ANXA9: variants seen among roughly 807,000 people sequenced by gnomAD.
The protein encoded by ANXA9 is annexin 31.
A neutral mutation model predicts 51.8 loss-of-function variants in ANXA9; 47 were observed. The observed-to-expected ratio is 0.91, with a 90% confidence interval of 0.72 to 1.16. The LOEUF is 1.16. ANXA9 is among the 50% of genes most tolerant of loss of function. ANXA9 has a pLI of 0.00. For synonymous variants in ANXA9, 154 were observed against 168.7 expected (o/e 0.91, Z 0.68); for missense variants, 361 against 424.7 (o/e 0.85, Z 1.32).
chr1:150,988,117 G>A lies in ANXA9; in HGVS notation c.724G>A (p.Gly242Arg), dbSNP rs149528939. ...GTTTGATCAGTACCAGCGGAGCACT[G>A]GGCAAGAGCTGGAGGAGGCTGTCCA... ...RVFDQYQRST[G>R]QELEEAVQNR... The change falls in exon 11 of 14, where the codon GGG (glycine) becomes AGG (arginine). Residue 242 changes from glycine (G) to arginine (R), a missense_variant. Gly to Arg is a moderately radical substitution (Grantham distance 125). Coordinates refer to ENST00000368947, the MANE Select transcript of ANXA9 (RefSeq NM_003568.3). The A allele has an allele frequency of 6.8e-3, 10,971 of 1,614,170 alleles. 60 individuals carry two copies. The highest frequency in any genetic ancestry group is 0.016 in the Middle Eastern group (95 of 6,062).
chr1:150,981,533 G>GT (rs1671416166), upstream of ANXA9, among the ~76,000 whole-genome samples: 1 of 152,336 alleles, frequency 6.6e-6, no homozygotes, highest in Admixed American at 6.5e-5. Flanking sequence ...AGCTGCTGGG[G>GT]TTGCATCACC....
chr1:150,983,484 T>C (rs1239111832), intron 4 of ANXA9, 50 bp downstream of exon 4: 1 of 1,518,146 alleles, frequency 6.6e-7, no homozygotes. Flanking sequence ...AGCCAATCTG[T>C]AGACCAAGGA....
Position 150,995,434 on chromosome 1 carries a change from C to A in ANXA9, c.*112C>A. 1 of 890,950 alleles carries A rather than the reference C, an allele frequency of 1.1e-6. No homozygotes were observed. The highest frequency in any genetic ancestry group is 1.7e-6 in the Non-Finnish European group (1 of 593,066). The allele number at this position is 890,950 out of a possible 1,614,324, so 55.2% of individuals were successfully genotyped here. On this transcript the variant is annotated 3_prime_UTR_variant, in exon 14 of 14. Transcript: ENST00000368947. Reference sequence around the variant, plus strand: ...TAGGATAACCCCTCACTGAGCACCACATTCTCTAGCTTCTTGTTGAGGCTG... The same window carrying A: ...TAGGATAACCCCTCACTGAGCACCAAATTCTCTAGCTTCTTGTTGAGGCTG...
intron 9 of ANXA9, among the ~76,000 whole-genome samples, chr1:150,987,475 C>A (rs1170288811): frequency 6.6e-6 from 1 of 151,968 alleles, no homozygotes; most frequent in Non-Finnish European, 1.5e-5. Flanking sequence ...CACCTATAAT[C>A]CCAACAATTT....
upstream of ANXA9, among the ~76,000 whole-genome samples, chr1:150,977,515 ACT>A (rs1351153345): frequency 3.9e-5 from 6 of 152,256 alleles, no homozygotes; most frequent in East Asian, 9.7e-4. Context: ...CCTTGCAGTG[ACT>A]CACTTCCTCT....
Position 150,983,193 on chromosome 1 carries a change from G to T in ANXA9, c.75+13G>T. ...CCTGGCCAGCAAGGTAGGGGCTGTT[G>T]GGATTTTAGAGATCACTTTTAGTAT... is the stretch of plus-strand genomic sequence containing the variant. On this transcript the variant is annotated intron_variant, in intron 3 of 13. Coordinates refer to ENST00000368947, the MANE Select transcript of ANXA9 (RefSeq NM_003568.3). The T allele has an allele frequency of 6.2e-7, 1 of 1,613,272 alleles. No homozygotes were observed. Among genetic ancestry groups the T allele is most frequent in the South Asian group, 1.1e-5 (1 of 90,994 alleles).
At chr1:150,982,785 C>G (rs1175597636) in intron 2 of ANXA9, among the ~76,000 whole-genome samples, 1 of 152,186 alleles carries the variant, frequency 6.6e-6, no homozygotes, top group African/African-American at 2.4e-5. Context: ...TACCGCGGAC[C>G]AAGGCCTGAG....
chr1:150,989,859 TATA>T (rs1185185905), intron 12 of ANXA9, among the ~76,000 whole-genome samples: 5 of 152,226 alleles, frequency 3.3e-5, no homozygotes, highest in African/African-American at 9.6e-5. Flanking sequence ...CCTGTATGAT[TATA>T]ATGAGTCAAC....
intron 12 of ANXA9, among the ~76,000 whole-genome samples, chr1:150,991,275 C>T (rs1456826325): frequency 4.0e-5 from 6 of 151,544 alleles, no homozygotes; most frequent in Admixed American, 6.6e-5. Context: ...CTCACTCTGT[C>T]GACCAGGCTG....
In ANXA9 at chr1:150,994,749, C is replaced by T. The variant is rs1671792548; in HGVS notation, c.975+50C>T. 5.0e-6 allele frequency: 8 copies of T among 1,605,674 alleles called. No individual in the cohort carries two copies. In the East Asian group the frequency reaches 1.8e-4, roughly 36 times the overall value. ...TGGAGCCTCAGGCCTTCACTCCTCA[C>T]CTCCACCCTCACTCCCTGCACACAG... On this transcript the variant is annotated intron_variant, in intron 13 of 13. Coordinates refer to ENST00000368947, the MANE Select transcript of ANXA9 (RefSeq NM_003568.3).
chr1:150,992,228 C>T (rs1160637525), intron 12 of ANXA9, among the ~76,000 whole-genome samples: 1 of 152,096 alleles, frequency 6.6e-6, no homozygotes, highest in Non-Finnish European at 1.5e-5. Context: ...GATCCTAGGG[C>T]CATATGCAAT....
At chr1:150,988,685 C>T (rs1671627937) in intron 12 of ANXA9, among the ~76,000 whole-genome samples, 2 of 152,214 alleles carry the variant, frequency 1.3e-5, no homozygotes, top group African/African-American at 4.8e-5. Context: ...CAAGGGCTGG[C>T]ATTTTGCAGG....
upstream of ANXA9, among the ~76,000 whole-genome samples, chr1:150,981,235 T>C (rs1671412669): frequency 6.6e-6 from 1 of 152,228 alleles, no homozygotes; most frequent in South Asian, 2.1e-4. Context: ...TGGCGTGTCC[T>C]CCGGCATGGT....
At chr1:150,990,973 T>C (rs1421503969) in intron 12 of ANXA9, among the ~76,000 whole-genome samples, 1 of 151,806 alleles carries the variant, frequency 6.6e-6, no homozygotes, top group Non-Finnish European at 1.5e-5. Context: ...TAAAACCCTG[T>C]CTCTACTGAA....
At chr1:150,986,910 G>C (rs2102794697) in intron 9 of ANXA9, among the ~76,000 whole-genome samples, 1 of 152,208 alleles carries the variant, frequency 6.6e-6, no homozygotes, top group Non-Finnish European at 1.5e-5. Context: ...TGAGCGTTTG[G>C]GGGCAGAAAG....
At chr1:150,977,533 G>A (rs888811992), upstream of ANXA9, among the ~76,000 whole-genome samples, 1 of 152,188 alleles carries the variant, frequency 6.6e-6, no homozygotes, top group Non-Finnish European at 1.5e-5. Context: ...CCTCTGTATG[G>A]GCTGCTGAAC....
At chr1:150,990,157 G>T (rs182637274) in intron 12 of ANXA9, among the ~76,000 whole-genome samples, 5 of 150,962 alleles carry the variant, frequency 3.3e-5, no homozygotes, top group African/African-American at 1.2e-4. Context: ...AAAATAAGAA[G>T]AAAATTTGCC....
intron 7 of ANXA9, among the ~76,000 whole-genome samples, chr1:150,985,364 C>T (rs1363439319): frequency 6.6e-6 from 1 of 152,138 alleles, no homozygotes; most frequent in Non-Finnish European, 1.5e-5. Flanking sequence ...CTGAACCCAG[C>T]CATGCTGCAG....
Position 150,986,373 on chromosome 1 carries a change from G to C in ANXA9, c.510G>C (p.Glu170Asp), listed in dbSNP as rs781165743. The change falls in exon 8 of 14, where the codon GAG becomes GAC. Residue 170 changes from glutamate to aspartate, a missense_variant. Transcript: ENST00000368947. ...QVEAVDDITSETSGILQDLLL... is the reference protein window; with the variant it reads ...QVEAVDDITSDTSGILQDLLL... ...AGGCTGTGGATGACATCACATCTGA[G>C]ACCAGTGGCATCTTGCAGGACCTGC... is the stretch of plus-strand genomic sequence containing the variant. 6.2e-7 allele frequency: 1 copy of C among 1,614,128 alleles called. No homozygotes were observed. The highest frequency in any genetic ancestry group is 8.5e-7 in the Non-Finnish European group (1 of 1,180,006).
Sources: gnomAD v4.1 joint callset for allele counts (sites outside exome capture counted in the v4.1 genomes callset) on GRCh38, gnomAD v4.1.1 for gene constraint, MANE v1.5 for transcripts, NCBI Gene and HGNC (gene_info 2026-07-23, HGNC 2026-07-21) for gene names.